Variants in MCTP1 observed in about 807,000 individuals in gnomAD.
The protein encoded by MCTP1 is multiple C2 and transmembrane domain containing 1.
In MCTP1, 69 loss-of-function variants were observed where a neutral mutation model predicts 120.6. The observed-to-expected ratio is 0.57, with a 90% CI of 0.47 to 0.70. The LOEUF is 0.70. Ranked by LOEUF, MCTP1 falls within the 30% of genes least tolerant of loss-of-function variation. MCTP1 has a pLI of 0.00. For missense variants in MCTP1, 1,203 were observed against 1,248.8 expected, an observed-to-expected ratio of 0.96 and a Z score of 0.55; for synonymous variants, 529 against 493.1, an observed-to-expected ratio of 1.07 and a Z score of -0.96.
intron 19 of MCTP1, among the ~76,000 whole-genome samples, chr5:94,777,257 A>G (rs182765200): frequency 1.6e-4 from 24 of 152,188 alleles, no homozygotes; most frequent in Admixed American, 2.0e-4. Context: ...CAGGGTGTCA[A>G]TTTCAGACTA....
At chr5:94,754,981 C>T (rs889580124) in intron 19 of MCTP1, among the ~76,000 whole-genome samples, 3 of 152,128 alleles carry the variant, frequency 2.0e-5, no homozygotes, top group Non-Finnish European at 4.4e-5. Flanking sequence ...TGTGGACTGC[C>T]CGTTTTGGCG....
intron 19 of MCTP1, among the ~76,000 whole-genome samples, chr5:94,759,156 T>A (rs1047747334): frequency 6.6e-6 from 1 of 152,226 alleles, no homozygotes; most frequent in Admixed American, 6.5e-5. Flanking sequence ...CAAATTTTGA[T>A]GGAATTATCA....
At chr5:95,018,755 A>C (rs1032918499) in intron 1 of MCTP1, among the ~76,000 whole-genome samples, 1 of 152,048 alleles carries the variant, frequency 6.6e-6, no homozygotes, top group African/African-American at 2.4e-5. Flanking sequence ...ACATCCAAAT[A>C]GTTGTCAAAT....
intron 17 of MCTP1, among the ~76,000 whole-genome samples, chr5:94,810,170 T>G (rs1232372624): frequency 6.6e-6 from 1 of 152,122 alleles, no homozygotes; most frequent in Admixed American, 6.6e-5. Flanking sequence ...AATTGACAAT[T>G]TCTATATATT....
intron 1 of MCTP1, among the ~76,000 whole-genome samples, chr5:95,093,197 T>C (rs1162025849): frequency 2.0e-5 from 3 of 152,204 alleles, no homozygotes; most frequent in Non-Finnish European, 2.9e-5. Context: ...GTTATTGTTG[T>C]TGTTTTTTAA....
intron 1 of MCTP1, among the ~76,000 whole-genome samples, chr5:95,073,136 CCTT>C (rs1752678006): frequency 6.6e-6 from 1 of 152,144 alleles, no homozygotes; most frequent in African/African-American, 2.4e-5. Flanking sequence ...GCTTGCAAGG[CCTT>C]CTTTCAGCAG....
chr5:94,819,204 C>G (rs1333697839), intron 17 of MCTP1, among the ~76,000 whole-genome samples: 1 of 151,960 alleles, frequency 6.6e-6, no homozygotes, highest in Non-Finnish European at 1.5e-5. Flanking sequence ...TCTCGGCTCA[C>G]TGAAACCTCT....
At chr5:94,941,955 A>G (rs1482072335) in intron 4 of MCTP1, among the ~76,000 whole-genome samples, 2 of 152,032 alleles carry the variant, frequency 1.3e-5, no homozygotes, top group Admixed American at 1.3e-4. Flanking sequence ...AGCAAAGTGT[A>G]CACACTGCAT....
chr5:95,096,112 A>G (rs1201017538), intron 1 of MCTP1, among the ~76,000 whole-genome samples: 1 of 152,214 alleles, frequency 6.6e-6, no homozygotes, highest in Non-Finnish European at 1.5e-5. Flanking sequence ...AGAAGTGCCA[A>G]ATTCAGCCAA....
intron 1 of MCTP1, among the ~76,000 whole-genome samples, chr5:95,271,846 T>C (rs1464446693): frequency 6.6e-6 from 1 of 152,174 alleles, no homozygotes; most frequent in Non-Finnish European, 1.5e-5. Context: ...AGTAAGATTA[T>C]TCATTTCCTT....
chr5:94,948,038 C>A (rs945927256), intron 3 of MCTP1, among the ~76,000 whole-genome samples: 1 of 152,046 alleles, frequency 6.6e-6, no homozygotes, highest in Non-Finnish European at 1.5e-5. Flanking sequence ...TATACTAAGG[C>A]AGTTTCAGAA....
intron 20 of MCTP1, among the ~76,000 whole-genome samples, chr5:94,713,508 A>G (rs1476042114): frequency 1.1e-4 from 17 of 152,182 alleles, no homozygotes; most frequent in Non-Finnish European, 4.4e-5. Flanking sequence ...TCTGTCAGGT[A>G]TCAGCACACT....
chr5:95,099,716 G>A (rs996799569), intron 1 of MCTP1, among the ~76,000 whole-genome samples: 34 of 151,668 alleles, frequency 2.2e-4, no homozygotes, highest in Admixed American at 7.9e-4. Context: ...TCAGTGCGGC[G>A]ATTCCTCAGG....
At chr5:94,718,221 A>G (rs901279243) in intron 19 of MCTP1, among the ~76,000 whole-genome samples, 3 of 152,220 alleles carry the variant, frequency 2.0e-5, no homozygotes, top group Non-Finnish European at 4.4e-5. Flanking sequence ...ATCTACAACC[A>G]TCTGATCTTT....
At position 94,706,798 on chromosome 5, in the gene MCTP1, G is replaced by A. The variant is rs1489744380; in HGVS notation, c.*698C>T. On this transcript the variant is annotated 3_prime_UTR_variant, in exon 23 of 23. Transcript: ENST00000515393. ...TATAAACTGGCAGTATTTATGTTAT[G>A]TAGTCCTGTAGAGATTTTAAGGTTT... 1.3e-5 allele frequency: 2 copies of A among 151,822 alleles called. No homozygotes were observed. Among genetic ancestry groups the A allele is most frequent in the Non-Finnish European group, 1.5e-5 (1 of 67,872 alleles). The allele number at this position is 151,822 out of a possible 1,614,324, so 9.4% of individuals were successfully genotyped here. A position where few individuals can be genotyped will look rare whatever the true frequency, so the allele number is the denominator to read the frequency against.
At chr5:94,848,238 T>C (rs1175095001) in intron 17 of MCTP1, among the ~76,000 whole-genome samples, 1 of 152,072 alleles carries the variant, frequency 6.6e-6, no homozygotes, top group African/African-American at 2.4e-5. Flanking sequence ...AAAATAAATA[T>C]CTAAAATCAA....
chr5:94,924,901 G>T (rs1812651207), intron 6 of MCTP1, among the ~76,000 whole-genome samples: 1 of 152,142 alleles, frequency 6.6e-6, no homozygotes, highest in Non-Finnish European at 1.5e-5. Flanking sequence ...TTTTGGAGGC[G>T]AGGTGGGAAT....
intron 1 of MCTP1, among the ~76,000 whole-genome samples, chr5:95,060,940 C>CAAAA (rs34418928): frequency 2.4e-4 from 28 of 116,868 alleles, no homozygotes; most frequent in East Asian, 7.3e-4. Context: ...TGCCACTCCA[C>CAAAA]AAAAAAAAAA....
At chr5:95,201,810 AG>A (rs1210042322) in intron 1 of MCTP1, among the ~76,000 whole-genome samples, 1 of 151,918 alleles carries the variant, frequency 6.6e-6, no homozygotes, top group Non-Finnish European at 1.5e-5. Flanking sequence ...TGGCCAAAAA[AG>A]TTTTTTCTCC....
Sources: gnomAD v4.1 joint callset for allele counts (sites outside exome capture counted in the v4.1 genomes callset) on GRCh38, gnomAD v4.1.1 for gene constraint, MANE v1.5 for transcripts, NCBI Gene and HGNC (gene_info 2026-07-23, HGNC 2026-07-21) for gene names.